The following LARGE1 variants were observed in gnomAD, a reference collection of about 807,000 sequenced individuals.
The protein encoded by LARGE1 is xylosyl- and glucuronyltransferase LARGE1.
LARGE1 carries 43 observed loss-of-function variants against 87.6 expected under a neutral mutation model. The ratio of observed to expected loss-of-function variants is 0.49; its 90% CI spans 0.38 to 0.63. LARGE1 has a LOEUF of 0.63. Among genes scored for constraint, LARGE1 ranks in the 30% least tolerant of loss-of-function variants. The pLI is 0.00. For missense variants in LARGE1, 802 were observed against 1,000.2 expected, an observed-to-expected ratio of 0.80 and a Z score of 2.67; for synonymous variants, 434 against 394.6, an observed-to-expected ratio of 1.10 and a Z score of -1.18.
At chr22:33,247,776 G>A (rs750734980) in intron 11 of LARGE1, among the ~76,000 whole-genome samples, 6 of 152,140 alleles carry the variant, frequency 3.9e-5, no homozygotes, top group African/African-American at 1.2e-4. Context: ...TGTGGAGCCC[G>A]GACATATATC....
At chr22:33,865,398 CTTTTCAAAGTGACACTGACACA>C (rs933177863) in intron 1 of LARGE1, among the ~76,000 whole-genome samples, 2 of 152,140 alleles carry the variant, frequency 1.3e-5, no homozygotes, top group African/African-American at 4.8e-5. Flanking sequence ...GCGTCTTTTT[CTTTTCAAAGTGACACTGACACA>C]ACTCCACTTT....
In LARGE1 at chr22:33,617,121, G is replaced by A. The variant is rs183326342; in HGVS notation, c.491+9123C>T. ...ATGGTGTGCCCATGTGGGAAACCCC[G>A]CAATTGTCCAGGCTGGCCTCTGACC... On this transcript the variant is annotated intron_variant, in intron 4 of 14. Coordinates refer to ENST00000397394, the MANE Select transcript of LARGE1 (RefSeq NM_133642.5). Among the ~76,000 whole-genome samples the A allele has an allele frequency of 7.9e-5, 12 of 152,270 alleles. No individual in the cohort carries two copies. In the East Asian group the frequency reaches 1.5e-3, roughly 20 times the overall value.
chr22:33,509,350 G>C (rs1379249308), intron 6 of LARGE1, among the ~76,000 whole-genome samples: 1 of 152,124 alleles, frequency 6.6e-6, no homozygotes, highest in Non-Finnish European at 1.5e-5. Flanking sequence ...GCAAAATGGA[G>C]GCAGTGCAAC....
chr22:33,353,611 G>A (rs138463966), intron 9 of LARGE1, among the ~76,000 whole-genome samples: 1,580 of 152,304 alleles, frequency 0.01, 10 homozygotes, highest in South Asian at 0.017. Context: ...GTAGGCTTAC[G>A]CTACGTGATA....
chr22:33,614,995 G>A (rs1315680122), intron 4 of LARGE1, among the ~76,000 whole-genome samples: 1 of 152,284 alleles, frequency 6.6e-6, no homozygotes, highest in East Asian at 1.9e-4. Flanking sequence ...ACTGCGTCTG[G>A]CCTTCTGTTC....
chr22:33,668,871 T>G (rs2081334646), intron 2 of LARGE1, among the ~76,000 whole-genome samples: 1 of 152,222 alleles, frequency 6.6e-6, no homozygotes, highest in Non-Finnish European at 1.5e-5. Flanking sequence ...GTAGTGTAAG[T>G]ATGTAATGGC....
At chr22:33,817,157 A>G (rs1177845960) in intron 1 of LARGE1, among the ~76,000 whole-genome samples, 1 of 152,112 alleles carries the variant, frequency 6.6e-6, no homozygotes, top group African/African-American at 2.4e-5. Flanking sequence ...CAGTTTCCCT[A>G]TGGTTCGCCT....
intron 2 of LARGE1, among the ~76,000 whole-genome samples, chr22:33,725,289 G>A (rs905526827): frequency 9.2e-5 from 14 of 152,206 alleles, no homozygotes; most frequent in African/African-American, 3.4e-4. Context: ...GGTCTGGGAG[G>A]CAGGAGCACA....
intron 4 of LARGE1, among the ~76,000 whole-genome samples, chr22:33,623,705 TA>T (rs36005583): frequency 0.58 from 77,072 of 133,590 alleles, 21,766 homozygotes; most frequent in East Asian, 0.7. Flanking sequence ...TTAACTGATT[TA>T]AAAAAAAAAA....
chr22:33,326,628 T>G (rs940383625), intron 10 of LARGE1, among the ~76,000 whole-genome samples: 2 of 152,182 alleles, frequency 1.3e-5, no homozygotes, highest in African/African-American at 4.8e-5. Context: ...GGATTTCACA[T>G]GAGGCAGCCT....
chr22:33,274,943 G>C (rs751295813), intron 14 of LARGE1, among the ~76,000 whole-genome samples: 1 of 152,126 alleles, frequency 6.6e-6, no homozygotes, highest in Non-Finnish European at 1.5e-5. Context: ...GCCTAGAAAA[G>C]GTTTCTTGAT....
the LARGE1 span, among the ~76,000 whole-genome samples, chr22:33,094,543 C>T: frequency 6.6e-6 from 1 of 152,290 alleles, no homozygotes; most frequent in South Asian, 2.1e-4. Context: ...CAGTCCTTTG[C>T]ATTTGCTGTC....
intron 1 of LARGE1, among the ~76,000 whole-genome samples, chr22:33,831,611 T>C (rs2062971688): frequency 6.6e-6 from 1 of 152,106 alleles, no homozygotes; most frequent in African/African-American, 2.4e-5. Context: ...AGCGATTGGA[T>C]TGGAAAAGTA....
chr22:33,279,095 C>CTGAATGAA (rs753823400), intron 13 of LARGE1, among the ~76,000 whole-genome samples: 1 of 152,078 alleles, frequency 6.6e-6, no homozygotes, highest in Non-Finnish European at 1.5e-5. Flanking sequence ...GTGCACTAAA[C>CTGAATGAA]TGAATGAATG....
In LARGE1 at chr22:33,686,635, C is replaced by G. The variant is rs2081952875; in HGVS notation, c.107-35967G>C. On this transcript the variant is annotated intron_variant, in intron 2 of 14. Transcript: ENST00000397394. ...AACATACCCCCAAATCCAAACACTA[C>G]TCAGCATGTCCATTTGGCCTATCAT... Among the ~76,000 whole-genome samples, 3 of 151,950 alleles carry G rather than the reference C, an allele frequency of 2.0e-5. 1 individual carries two copies. In the South Asian group the frequency reaches 6.2e-4, roughly 32 times the overall value.
chr22:33,377,735 T>G (rs2065033286), intron 9 of LARGE1, among the ~76,000 whole-genome samples: 2 of 152,202 alleles, frequency 1.3e-5, no homozygotes, highest in Non-Finnish European at 2.9e-5. Context: ...TTTCTTTGCT[T>G]CTTTCTCAGT....
At chr22:33,764,242 A>T (rs1260000159) in intron 1 of LARGE1, among the ~76,000 whole-genome samples, 2 of 152,122 alleles carry the variant, frequency 1.3e-5, no homozygotes, top group Admixed American at 6.5e-5. Flanking sequence ...CCAATATGCC[A>T]GATAGGTGAT....
intron 1 of LARGE1, among the ~76,000 whole-genome samples, chr22:33,822,446 C>G: frequency 6.6e-6 from 1 of 152,180 alleles, no homozygotes; most frequent in East Asian, 1.9e-4. Context: ...TACCTGTAAT[C>G]CCAGTACTTT....
At chr22:33,606,018 G>T (rs1282581509) in intron 4 of LARGE1, among the ~76,000 whole-genome samples, 1 of 152,200 alleles carries the variant, frequency 6.6e-6, no homozygotes, top group Non-Finnish European at 1.5e-5. Flanking sequence ...GCTGGGCCCA[G>T]GGTGTATTAG....
Sources: allele counts gnomAD v4.1 joint callset (sites outside exome capture counted in the v4.1 genomes callset), GRCh38; gene constraint gnomAD v4.1.1; transcripts MANE v1.5; gene names NCBI Gene and HGNC (gene_info 2026-07-23, HGNC 2026-07-21).